ST3GAL1: variants seen among roughly 807,000 people sequenced by gnomAD.
ST3GAL1 encodes the protein ST3 beta-galactoside alpha-2,3-sialyltransferase 1.
In ST3GAL1, 16 loss-of-function variants were observed where a neutral mutation model predicts 34.1. The ratio of observed to expected loss-of-function variants is 0.47; its 90% CI spans 0.32 to 0.71. The LOEUF is 0.71. Ranked by LOEUF, ST3GAL1 falls within the 30% of genes least tolerant of loss-of-function variation. The pLI, the probability that ST3GAL1 is intolerant of heterozygous loss-of-function variation, is 0.04. For missense variants in ST3GAL1, 353 were observed against 447.4 expected (o/e 0.79, Z 1.90); for synonymous variants, 191 against 184.7 (o/e 1.03, Z -0.28).
At position 133,461,194 on chromosome 8, in the gene ST3GAL1, G is replaced by A. The variant is rs192893625; in HGVS notation, c.849+681C>T. Among the ~76,000 whole-genome samples the A allele has an allele frequency of 6.6e-6, 1 of 152,130 alleles. No individual in the cohort carries two copies. Among genetic ancestry groups the A allele is most frequent in the Non-Finnish European group, 1.5e-5 (1 of 68,022 alleles). ...TTTCTGAGATTCCCACCAGGCACCA[G>A]GCAGGGTGGGGCTGGGGCTGGGCTG... On this transcript the variant is annotated intron_variant, in intron 9 of 9. Coordinates refer to ENST00000522652, the MANE Select transcript of ST3GAL1 (RefSeq NM_173344.3). This position sits in a 1 kb window ranked among gnomAD's most constrained non-coding sequence, Gnocchi z 4.7.
chr8:133,568,753 C>A (rs1162873067), intron 1 of ST3GAL1, among the ~76,000 whole-genome samples: 2 of 152,096 alleles, frequency 1.3e-5, no homozygotes, highest in Non-Finnish European at 2.9e-5. Context: ...GGAGAGGGCC[C>A]TTCCTTGGGT....
intron 3 of ST3GAL1, among the ~76,000 whole-genome samples, chr8:133,481,826 TG>T (rs1816408193): frequency 6.6e-6 from 1 of 151,920 alleles, no homozygotes; most frequent in South Asian, 2.1e-4. Context: ...GTTTTCTGCT[TG>T]GTTTCTTAGA....
intron 2 of ST3GAL1, among the ~76,000 whole-genome samples, chr8:133,531,993 G>GT (rs1400390881): frequency 6.6e-6 from 1 of 152,128 alleles, no homozygotes; most frequent in Non-Finnish European, 1.5e-5. Flanking sequence ...TGTCCTGCAT[G>GT]TACAGTAGAG....
intron 1 of ST3GAL1, among the ~76,000 whole-genome samples, chr8:133,562,296 G>A (rs1326083594): frequency 6.8e-6 from 1 of 147,852 alleles, no homozygotes. Context: ...TGCAACCTCC[G>A]CCTCCTGGGT....
At chr8:133,561,555 T>C (rs570310394) in intron 1 of ST3GAL1, among the ~76,000 whole-genome samples, 1 of 152,298 alleles carries the variant, frequency 6.6e-6, no homozygotes, top group East Asian at 1.9e-4. Flanking sequence ...GGTTGTGTTA[T>C]GTTATGTTAC....
intron 2 of ST3GAL1, among the ~76,000 whole-genome samples, chr8:133,522,675 C>A (rs1817848357): frequency 6.6e-6 from 1 of 152,148 alleles, no homozygotes; most frequent in African/African-American, 2.4e-5. Flanking sequence ...GCTAGTTAAC[C>A]CCTGAGAGCC....
At chr8:133,512,657 T>G (rs1328180580) in intron 2 of ST3GAL1, among the ~76,000 whole-genome samples, 1 of 151,968 alleles carries the variant, frequency 6.6e-6, no homozygotes, top group Non-Finnish European at 1.5e-5. Flanking sequence ...CCGCACAGGG[T>G]TGGTCCAGGC....
intron 3 of ST3GAL1, among the ~76,000 whole-genome samples, chr8:133,486,225 G>C (rs1816589213): frequency 6.6e-6 from 1 of 152,216 alleles, no homozygotes; most frequent in Non-Finnish European, 1.5e-5. Flanking sequence ...GCCAGGCTGA[G>C]GTCGGCCCCT....
At chr8:133,486,426 CT>C (rs1382884984) in intron 3 of ST3GAL1, among the ~76,000 whole-genome samples, 1 of 152,242 alleles carries the variant, frequency 6.6e-6, no homozygotes, top group Non-Finnish European at 1.5e-5. Flanking sequence ...TGAGTCACCC[CT>C]GAAGCTGACA....
At chr8:133,460,877 GAAGA>G (rs1815471437) in intron 9 of ST3GAL1, among the ~76,000 whole-genome samples, 1 of 151,686 alleles carries the variant, frequency 6.6e-6, no homozygotes, top group African/African-American at 2.4e-5. Context: ...CTGCAGCGTG[GAAGA>G]TAGATTGGAG....
intron 2 of ST3GAL1, among the ~76,000 whole-genome samples, chr8:133,514,866 C>T (rs1278572986): frequency 2.0e-5 from 3 of 152,002 alleles, no homozygotes; most frequent in African/African-American, 7.3e-5. Flanking sequence ...TGTGGGGGTA[C>T]TCACAGCTTC....
At chr8:133,499,974 T>A (rs572080824) in intron 2 of ST3GAL1, among the ~76,000 whole-genome samples, 9 of 152,314 alleles carry the variant, frequency 5.9e-5, no homozygotes, top group African/African-American at 1.9e-4. Context: ...AACAGACAGC[T>A]AGGCATTTTG....
chr8:133,462,096 A>G, intron 8 of ST3GAL1, 102 bp from the exon 9 acceptor site: 1 of 1,536,220 alleles, frequency 6.5e-7, no homozygotes, highest in Non-Finnish European at 8.9e-7. Flanking sequence ...AGGCACAGCC[A>G]TGAGCCTAAT....
chr8:133,468,600 G>A (rs960017298), intron 5 of ST3GAL1, among the ~76,000 whole-genome samples: 6 of 152,206 alleles, frequency 3.9e-5, no homozygotes, highest in African/African-American at 9.7e-5. Context: ...CTACTGAATC[G>A]TACACACACA....
intron 3 of ST3GAL1, among the ~76,000 whole-genome samples, chr8:133,479,832 C>T (rs1340036074): frequency 6.6e-6 from 1 of 152,170 alleles, no homozygotes; most frequent in Non-Finnish European, 1.5e-5. Flanking sequence ...TATCATTTAG[C>T]GCTTTCCAAA....
chr8:133,468,789 G>A (rs540365366), intron 5 of ST3GAL1, among the ~76,000 whole-genome samples: 15 of 152,262 alleles, frequency 9.9e-5, no homozygotes, highest in Middle Eastern at 3.4e-3. Context: ...AGCTGGCCCC[G>A]AAATCCTGCA....
chr8:133,505,303 C>T (rs1487105456), intron 2 of ST3GAL1, among the ~76,000 whole-genome samples: 7 of 152,158 alleles, frequency 4.6e-5, no homozygotes, highest in Non-Finnish European at 8.8e-5. Context: ...ATAATGCCTC[C>T]CTCCAAGAGA....
At chr8:133,476,099 A>G (rs962493707) in intron 4 of ST3GAL1, 25 bp from the exon 5 acceptor site, 11 of 1,478,124 alleles carry the variant, frequency 7.4e-6, no homozygotes, top group Non-Finnish European at 1.0e-5. Context: ...AAATGGAAGA[A>G]AAATCCCAGA....
At chr8:133,532,144 G>C (rs992924071) in intron 2 of ST3GAL1, among the ~76,000 whole-genome samples, 4 of 152,086 alleles carry the variant, frequency 2.6e-5, no homozygotes, top group Non-Finnish European at 5.9e-5. Flanking sequence ...TGTTGTTGTT[G>C]TTTGTTTGGG....
Sources: gnomAD v4.1 joint callset for allele counts (sites outside exome capture counted in the v4.1 genomes callset) on GRCh38, gnomAD v4.1.1 for gene constraint, Gnocchi (gnomAD v3.1) non-coding constraint, MANE v1.5 for transcripts, NCBI Gene and HGNC (gene_info 2026-07-23, HGNC 2026-07-21) for gene names.